ZNF766: variants seen among roughly 807,000 people sequenced by gnomAD.
ZNF766 encodes the protein zinc finger protein 766.
Under a neutral mutation model 13.2 loss-of-function variants are expected in ZNF766, and 13 were observed. The ratio of observed to expected loss-of-function variants is 0.98; its 90% CI spans 0.64 to 1.56. The LOEUF is 1.56. Among genes scored for constraint, ZNF766 ranks in the 40% most tolerant of loss-of-function variants. The pLI, the probability that ZNF766 is intolerant of heterozygous loss-of-function variation, is 0.00. For missense variants in ZNF766, 521 were observed against 552.2 expected, an observed-to-expected ratio of 0.94 and a Z score of 0.57; for synonymous variants, 178 against 187.6, an observed-to-expected ratio of 0.95 and a Z score of 0.42.
intron 3 of ZNF766, among the ~76,000 whole-genome samples, chr19:52,285,444 A>G (rs1021250537): frequency 1.9e-4 from 29 of 152,152 alleles, no homozygotes; most frequent in South Asian, 8.3e-4. Flanking sequence ...GGTTTCCACA[A>G]TCCCATCTTT....
chr19:52,277,644 C>A, intron 1 of ZNF766: 1 of 1,271,144 alleles, frequency 7.9e-7, no homozygotes, highest in Non-Finnish European at 1.1e-6. Context: ...TCCTGCCTGA[C>A]AGGTTTGCTC....
intron 3 of ZNF766, among the ~76,000 whole-genome samples, chr19:52,287,228 C>T (rs1276318926): frequency 3.3e-5 from 5 of 151,098 alleles, no homozygotes; most frequent in African/African-American, 9.7e-5. Context: ...CTGCAACCTC[C>T]GCCTCCCGGG....
At chr19:52,285,786 G>A (rs1377163477) in intron 3 of ZNF766, among the ~76,000 whole-genome samples, 2 of 152,234 alleles carry the variant, frequency 1.3e-5, no homozygotes, top group African/African-American at 4.8e-5. Context: ...GAAAGTTAGA[G>A]TCCTGCCTTA....
intron 1 of ZNF766, among the ~76,000 whole-genome samples, chr19:52,271,763 C>T (rs190547273): frequency 3.0e-4 from 46 of 152,286 alleles, no homozygotes; most frequent in Non-Finnish European, 5.7e-4. Flanking sequence ...AGTTCCAGAC[C>T]AGCCTGGCCA....
intron 3 of ZNF766, among the ~76,000 whole-genome samples, chr19:52,287,283 C>T (rs2122487722): frequency 6.6e-6 from 1 of 152,300 alleles, no homozygotes; most frequent in East Asian, 1.9e-4. Context: ...GCTGAGATTA[C>T]AGGCGCGTGC....
At chr19:52,272,219 C>T (rs896528771) in intron 1 of ZNF766, among the ~76,000 whole-genome samples, 9 of 152,132 alleles carry the variant, frequency 5.9e-5, no homozygotes, top group African/African-American at 1.9e-4. Flanking sequence ...TTCCTTTGAT[C>T]CTTTTTTCCC....
chr19:52,277,187 C>G, intron 1 of ZNF766: 3 of 1,158,060 alleles, frequency 2.6e-6, no homozygotes, highest in Non-Finnish European at 3.2e-6. Flanking sequence ...TGGCCGGGCG[C>G]GGGGGCTCAT....
At chr19:52,270,050 C>T (rs773514440) in intron 1 of ZNF766, among the ~76,000 whole-genome samples, 8 of 152,176 alleles carry the variant, frequency 5.3e-5, no homozygotes, top group South Asian at 2.1e-4. Context: ...CCCTGATCTG[C>T]CTGCCGCCGT....
intron 1 of ZNF766, among the ~76,000 whole-genome samples, chr19:52,276,376 G>C (rs1298982559): frequency 2.6e-5 from 4 of 152,026 alleles, no homozygotes; most frequent in Admixed American, 6.6e-5. Context: ...TTTTATATTG[G>C]TATATTGCTT....
At chr19:52,280,401 A>G (rs1056029757) in intron 1 of ZNF766, among the ~76,000 whole-genome samples, 7 of 152,132 alleles carry the variant, frequency 4.6e-5, no homozygotes, top group African/African-American at 1.7e-4. Flanking sequence ...CATCTAAAAA[A>G]TAGGTCATTG....
chr19:52,289,855 GC>G (rs1982026097), intron 3 of ZNF766, among the ~76,000 whole-genome samples: 1 of 152,114 alleles, frequency 6.6e-6, no homozygotes, highest in African/African-American at 2.4e-5. Context: ...AAAAAAATTA[GC>G]TGGGCGTGGT....
rs1442100794 is a variant in ZNF766, at chr19:52,282,258, G to C, written c.145+21G>C. 3.2e-6 allele frequency: 5 copies of C among 1,581,282 alleles called. No homozygotes were observed. The South Asian group carries it at 5.6e-5, about 18-fold the overall frequency. ...CCTGGGTAAGGATAATGCCCCTCCA[G>C]AAGTTGGGGTCTGCCCTTAGTATCT... On this transcript the variant is annotated intron_variant, in intron 2 of 3. Coordinates refer to ENST00000439461, the MANE Select transcript of ZNF766 (RefSeq NM_001010851.3).
intron 1 of ZNF766, 138 bp from the exon 2 acceptor site, chr19:52,281,973 A>C: frequency 9.4e-7 from 1 of 1,060,684 alleles, no homozygotes; most frequent in Non-Finnish European, 1.4e-6. Flanking sequence ...AACTAGCTCA[A>C]AAATACCTTA....
intron 1 of ZNF766, 100 bp downstream of exon 1, chr19:52,269,731 C>A: frequency 7.0e-7 from 1 of 1,429,732 alleles, no homozygotes; most frequent in Non-Finnish European, 9.6e-7. Flanking sequence ...AATCCCCGCA[C>A]CGCTCTCTCC....
At chr19:52,276,619 T>C (rs879463629) in intron 1 of ZNF766, among the ~76,000 whole-genome samples, 14 of 152,174 alleles carry the variant, frequency 9.2e-5, no homozygotes, top group Non-Finnish European at 2.1e-4. Flanking sequence ...CACATGAGCA[T>C]TGATGTTGGC....
At chr19:52,279,855 GT>G (rs1981403698) in intron 1 of ZNF766, among the ~76,000 whole-genome samples, 1 of 141,526 alleles carries the variant, frequency 7.1e-6, no homozygotes, top group Non-Finnish European at 1.5e-5. Flanking sequence ...GAGTGCAGTG[GT>G]GTGATCTCGG....
rs147429448 is a variant in ZNF766, at chr19:52,284,026, C to T, written c.274+613C>T. Among the ~76,000 whole-genome samples the T allele has an allele frequency of 2.4e-3, 365 of 152,334 alleles. 6 individuals carry two copies. In the East Asian group the frequency reaches 0.028, roughly 12 times the overall value. The stretch of plus-strand genomic sequence containing the variant: ...GCTGGGATTATGGTGTCAGCCACCG[C>T]GCCCAGCCCACGCTGTCGTTTAGAT... On this transcript the variant is annotated intron_variant, in intron 3 of 3. Transcript: ENST00000439461.
At chr19:52,284,338 G>A (rs1008515554) in intron 3 of ZNF766, among the ~76,000 whole-genome samples, 1 of 152,254 alleles carries the variant, frequency 6.6e-6, no homozygotes, top group African/African-American at 2.4e-5. Flanking sequence ...CCCATTTCCT[G>A]TACTGGGAAG....
intron 1 of ZNF766, among the ~76,000 whole-genome samples, chr19:52,271,967 AG>A (rs1254895972): frequency 6.3e-5 from 6 of 95,156 alleles, no homozygotes; most frequent in African/African-American, 8.7e-5. Flanking sequence ...GGGTGACAAG[AG>A]TGAGACTGTC....
Sources: allele counts gnomAD v4.1 joint callset (sites outside exome capture counted in the v4.1 genomes callset), GRCh38; gene constraint gnomAD v4.1.1; transcripts MANE v1.5; gene names NCBI Gene and HGNC (gene_info 2026-07-23, HGNC 2026-07-21).